NFAM1: variants seen among roughly 807,000 people sequenced by gnomAD.
NFAM1 encodes the protein NFAT activating protein with ITAM motif 1.
Under a neutral mutation model 29.0 loss-of-function variants are expected in NFAM1, and 17 were observed. The ratio of observed to expected loss-of-function variants is 0.59; its 90% CI spans 0.40 to 0.88. The LOEUF (loss-of-function observed/expected upper bound fraction) is 0.88, where lower values mean the gene tolerates loss of function less well. Ranked by LOEUF, NFAM1 falls within the 40% of genes least tolerant of loss-of-function variation. The probability of loss-of-function intolerance (pLI) is 0.00; values close to 1 mark genes in which losing one functional copy is unlikely to be tolerated. For missense variants in NFAM1, 324 were observed against 344.6 expected (o/e 0.94, Z 0.47); for synonymous variants, 175 against 147.2 (o/e 1.19, Z -1.36).
At chr22:42,424,331 C>T (rs949407051) in intron 1 of NFAM1, among the ~76,000 whole-genome samples, 5 of 151,978 alleles carry the variant, frequency 3.3e-5, no homozygotes, top group South Asian at 2.1e-4. Flanking sequence ...AGGAGAATGG[C>T]GTGAACCAGG....
intron 1 of NFAM1, among the ~76,000 whole-genome samples, chr22:42,430,908 CTGCAT>C (rs1221426636): frequency 6.6e-6 from 1 of 152,162 alleles, no homozygotes; most frequent in Non-Finnish European, 1.5e-5. Flanking sequence ...CACTAACAGG[CTGCAT>C]TTCCGGGGTC....
At chr22:42,393,031 C>T (rs1929396818) in intron 4 of NFAM1, among the ~76,000 whole-genome samples, 1 of 151,986 alleles carries the variant, frequency 6.6e-6, no homozygotes, top group Non-Finnish European at 1.5e-5. Flanking sequence ...AACTCCTGAC[C>T]TCAGGTGACT....
chr22:42,408,163 G>A (rs1037492199), intron 3 of NFAM1, among the ~76,000 whole-genome samples: 1 of 152,102 alleles, frequency 6.6e-6, no homozygotes, highest in African/African-American at 2.4e-5. Flanking sequence ...CAAAGTGCTG[G>A]TATTACAGGC....
chr22:42,430,835 A>C (rs1192394794), intron 1 of NFAM1, among the ~76,000 whole-genome samples: 1 of 152,094 alleles, frequency 6.6e-6, no homozygotes, highest in African/African-American at 2.4e-5. Context: ...GAACCACACA[A>C]AGGGAAAGGA....
At chr22:42,417,819 G>T (rs1930311151) in intron 1 of NFAM1, among the ~76,000 whole-genome samples, 1 of 152,152 alleles carries the variant, frequency 6.6e-6, no homozygotes, top group Non-Finnish European at 1.5e-5. Context: ...GAGCAGGAGG[G>T]CAGCAGGGCC....
chr22:42,389,359 G>A (rs1359847404), intron 4 of NFAM1, among the ~76,000 whole-genome samples: 1 of 152,208 alleles, frequency 6.6e-6, no homozygotes, highest in Non-Finnish European at 1.5e-5. Context: ...TGAGAACAGG[G>A]GAGGCTGCGG....
chr22:42,410,475 A>G (rs1463937690), intron 2 of NFAM1: 3 of 385,990 alleles, frequency 7.8e-6, no homozygotes, highest in Non-Finnish European at 1.6e-5. Context: ...CCTGGCCAAC[A>G]TGGCGAAATC....
chr22:42,405,512 G>T (rs1050694235), intron 3 of NFAM1, among the ~76,000 whole-genome samples: 2 of 152,176 alleles, frequency 1.3e-5, no homozygotes, highest in African/African-American at 4.8e-5. Flanking sequence ...GCCGAAGCAG[G>T]GAGGGAGGGC....
chr22:42,411,060 T>C (rs1930071610), intron 2 of NFAM1, among the ~76,000 whole-genome samples: 1 of 147,394 alleles, frequency 6.8e-6, no homozygotes, highest in African/African-American at 2.5e-5. Flanking sequence ...GTTTTGCTCT[T>C]GTCACCCAGG....
intron 1 of NFAM1, among the ~76,000 whole-genome samples, chr22:42,431,947 G>A (rs74786027): frequency 0.012 from 1,782 of 151,774 alleles, 47 homozygotes; most frequent in African/African-American, 0.041. Context: ...GCCACACAGC[G>A]CCCACCCTCC....
intron 3 of NFAM1, among the ~76,000 whole-genome samples, chr22:42,403,801 A>G (rs1443616912): frequency 6.6e-6 from 1 of 152,222 alleles, no homozygotes; most frequent in Non-Finnish European, 1.5e-5. Flanking sequence ...GAGTAAGCTC[A>G]GGGGACCTAC....
intron 4 of NFAM1, among the ~76,000 whole-genome samples, chr22:42,393,582 T>TC (rs113340618): frequency 1.0e-3 from 154 of 150,454 alleles, no homozygotes; most frequent in African/African-American, 3.6e-3. Flanking sequence ...CTAATTTTTT[T>TC]TTTTTTTGTA....
At chr22:42,428,087 CGGACCCCTACCTGA>C (rs1930680729) in intron 1 of NFAM1, among the ~76,000 whole-genome samples, 1 of 152,216 alleles carries the variant, frequency 6.6e-6, no homozygotes, top group Non-Finnish European at 1.5e-5. Flanking sequence ...GGAGTGTGCC[CGGACCCCTACCTGA>C]GGGGCATTTG....
In NFAM1 at chr22:42,385,186, A is replaced by T; in HGVS notation, c.788T>A (p.Leu263His). The change falls in exon 6 of 6, where the codon CTT (leucine) becomes CAT (histidine). Residue 263 changes from leucine to histidine, a missense_variant. Coordinates refer to ENST00000329021, the MANE Select transcript of NFAM1 (RefSeq NM_145912.8). ...RPHRFEDDGE[L>H]NLVYENL is the part of the protein sequence containing the mutation. ...CTAGAGATTTTCATAGACCAGGTTA[A>T]GTTCGCCATCATCTTCGAATCTATG... 1 of 1,613,534 alleles carries T rather than the reference A, an allele frequency of 6.2e-7. No homozygotes were observed. The highest frequency in any genetic ancestry group is 8.5e-7 in the Non-Finnish European group (1 of 1,179,414).
chr22:42,428,292 G>C (rs563339814), intron 1 of NFAM1, among the ~76,000 whole-genome samples: 1 of 152,024 alleles, frequency 6.6e-6, no homozygotes, highest in South Asian at 2.1e-4. Context: ...GCCTCTCCCC[G>C]CCCACCTCTG....
In NFAM1 at chr22:42,409,828, C is replaced by A. The variant is rs550926882; in HGVS notation, c.452-281G>T. Among the ~76,000 whole-genome samples the A allele has an allele frequency of 1.1e-3, 169 of 152,318 alleles. No homozygotes were observed. Among genetic ancestry groups the A allele is most frequent in the African/African-American group, 4.0e-3 (166 of 41,570 alleles). On this transcript the variant is annotated intron_variant, in intron 2 of 5. Coordinates refer to ENST00000329021, the MANE Select transcript of NFAM1 (RefSeq NM_145912.8). The surrounding 1 kb of genome is among the most constrained non-coding windows in gnomAD (Gnocchi z 4.9). ...TCCCCTGTGGGCTGCTTGTAGGGCC[C>A]TGAGCGAGATGTCTCCCCTCTCGGG... is the stretch of plus-strand genomic sequence containing the variant.
At chr22:42,390,078 G>A (rs1200141564) in intron 4 of NFAM1, among the ~76,000 whole-genome samples, 7 of 152,096 alleles carry the variant, frequency 4.6e-5, no homozygotes, top group Admixed American at 3.9e-4. Context: ...GAGCAGGAAC[G>A]GGAGCAGGAG....
At chr22:42,432,136 C>T in intron 1 of NFAM1, 101 bp downstream of exon 1, 2 of 1,083,988 alleles carry the variant, frequency 1.8e-6, no homozygotes, top group Non-Finnish European at 2.8e-6. Flanking sequence ...CAGCAAATCC[C>T]CAGAGACAGG....
At chr22:42,394,649 A>G (rs961475814) in intron 4 of NFAM1, among the ~76,000 whole-genome samples, 7 of 152,358 alleles carry the variant, frequency 4.6e-5, no homozygotes, top group African/African-American at 1.7e-4. Flanking sequence ...CAAATTAGAA[A>G]AGAAGAAAGA....
Sources: allele counts gnomAD v4.1 joint callset (sites outside exome capture counted in the v4.1 genomes callset), GRCh38; gene constraint gnomAD v4.1.1; non-coding constraint Gnocchi (gnomAD v3.1); transcripts MANE v1.5; gene names NCBI Gene and HGNC (gene_info 2026-07-23, HGNC 2026-07-21).